Variants in PPAN observed in about 807,000 individuals in gnomAD.
The protein encoded by PPAN is peter pan homolog.
In PPAN, 39 loss-of-function variants were observed where a neutral mutation model predicts 48.5. The observed-to-expected ratio is 0.80, with a 90% CI of 0.62 to 1.05. PPAN has a LOEUF of 1.05. PPAN is among the 50% of genes least tolerant of loss of function. The probability of loss-of-function intolerance (pLI) is 0.00; values close to 1 mark genes in which losing one functional copy is unlikely to be tolerated. For missense variants in PPAN, 736 were observed against 661.7 expected (o/e 1.11, Z -1.23); for synonymous variants, 315 against 268.6 (o/e 1.17, Z -1.69).
Position 10,110,541 on chromosome 19 carries a change from C to A in PPAN, c.958C>A (p.Arg320=). The change falls in exon 10 of 12, where the codon CGG becomes AGG. Residue 320 remains arginine (R), a synonymous_variant. Coordinates refer to ENST00000253107, the MANE Select transcript of PPAN (RefSeq NM_020230.7). This position sits in a 1 kb window ranked among gnomAD's most constrained non-coding sequence, Gnocchi z 5.9. Reference sequence around the variant, plus strand: ...CCTGGAAGCCAAGGAGAAGAAGCTGCGGCTGAAGGCGCAGAGGCAGGCCCA... The same window carrying A: ...CCTGGAAGCCAAGGAGAAGAAGCTGAGGCTGAAGGCGCAGAGGCAGGCCCA... The part of the protein sequence containing the change: ...AILEAKEKKL[R]LKAQRQAQQA... The A allele has an allele frequency of 6.2e-7, 1 of 1,610,398 alleles. No individual in the cohort carries two copies. Among genetic ancestry groups the A allele is most frequent in the Non-Finnish European group, 8.5e-7 (1 of 1,179,078 alleles).
chr19:10,111,775 C>T lies in PPAN; in HGVS notation c.*610C>T, dbSNP rs2089087695. ...AGGCATGTTGGCTGTCTCTGGGGGTCTGCAGATTGTCAGGAGGTGGGGGTA... is the reference window on the plus strand; with the variant it reads ...AGGCATGTTGGCTGTCTCTGGGGGTTTGCAGATTGTCAGGAGGTGGGGGTA... On this transcript the variant is annotated 3_prime_UTR_variant, in exon 12 of 12. Coordinates refer to ENST00000253107, the MANE Select transcript of PPAN (RefSeq NM_020230.7). The T allele has an allele frequency of 6.2e-7, 1 of 1,612,640 alleles. No homozygotes were observed. Among genetic ancestry groups the T allele is most frequent in the East Asian group, 2.2e-5 (1 of 44,856 alleles).
rs1477243462 is a variant in PPAN at position 10,111,158 on chromosome 19, T to G, written c.1415T>G (p.Val472Gly). Residue 472 changes from valine (V) to glycine (G), a missense_variant, in exon 12 of 12, where the codon GTG becomes GGG. Coordinates refer to ENST00000253107, the MANE Select transcript of PPAN (RefSeq NM_020230.7). ...GRGRGRPGKRVA is the reference protein window; with the variant it reads ...GRGRGRPGKRGA ...GGCCGGGGCCGCCCAGGGAAGAGAG[T>G]GGCCTGAGCCCAAGCCGCACCGGAG... The G allele has an allele frequency of 6.3e-7, 1 of 1,585,514 alleles. No individual in the cohort carries two copies. The highest frequency in any genetic ancestry group is 8.6e-7 in the Non-Finnish European group (1 of 1,168,006).
intron 4 of PPAN, 32 bp from the exon 5 acceptor site, chr19:10,107,932 G>A (rs764716936): frequency 1.9e-6 from 3 of 1,599,012 alleles, no homozygotes; most frequent in African/African-American, 1.3e-5. Flanking sequence ...TGTGTGGTTG[G>A]TGGTCACCCC....
chr19:10,109,748 T>C, intron 6 of PPAN, 41 bp downstream of exon 6: 1 of 1,604,786 alleles, frequency 6.2e-7, no homozygotes, highest in Middle Eastern at 1.7e-4. Context: ...GGGTGCCGGG[T>C]GGGGGCCTCC....
At position 10,110,562 on chromosome 19, in the gene PPAN, G is replaced by T. The variant is rs767047967; in HGVS notation, c.979G>T (p.Ala327Ser). 6.2e-7 allele frequency: 1 copy of T among 1,604,906 alleles called. No individual in the cohort carries two copies. The highest frequency in any genetic ancestry group is 8.5e-7 in the Non-Finnish European group (1 of 1,176,708). Reference sequence around the variant, plus strand: ...GCTGCGGCTGAAGGCGCAGAGGCAGGCCCAGCAGGCCCAGAATGTGCAGCG... The same window carrying T: ...GCTGCGGCTGAAGGCGCAGAGGCAGTCCCAGCAGGCCCAGAATGTGCAGCG... ...KKLRLKAQRQ[A>S]QQAQNVQRKQ... is the part of the protein sequence containing the mutation. Residue 327 changes from alanine to serine, a missense_variant, in exon 10 of 12, where the codon GCC (alanine) becomes TCC (serine). By Grantham distance (99) the Ala-to-Ser change is moderately conservative. Coordinates refer to ENST00000253107, the MANE Select transcript of PPAN (RefSeq NM_020230.7). This position sits in a 1 kb window ranked among gnomAD's most constrained non-coding sequence, Gnocchi z 5.9.
In PPAN at chr19:10,111,556, G is replaced by A; in HGVS notation, c.*391G>A. ...TGAGCTTGAACCTCAGGAGGGTTGT[G>A]GCACAATGAGGAAGGAAACGTGGGT... On this transcript the variant is annotated 3_prime_UTR_variant, in exon 12 of 12. Coordinates refer to ENST00000253107, the MANE Select transcript of PPAN (RefSeq NM_020230.7). The A allele has an allele frequency of 1.3e-6, 1 of 778,924 alleles. No individual in the cohort carries two copies. The highest frequency in any genetic ancestry group is 2.7e-5 in the East Asian group (1 of 37,622). 48.3% of individuals were successfully genotyped at this position (778,924 alleles called of 1,614,324 possible).
Position 10,110,065 on chromosome 19 carries a change from C to T in PPAN, c.698+45C>T, listed in dbSNP as rs765203044. On this transcript the variant is annotated intron_variant, in intron 7 of 11. Transcript: ENST00000253107. The surrounding 1 kb of genome is among the most constrained non-coding windows in gnomAD (Gnocchi z 5.9). ...GGAGGCCACTGCGGCCCGGGGACCC[C>T]AGAACAGGACCGGGAGCCTGAGCTC... 6.2e-7 allele frequency: 1 copy of T among 1,610,898 alleles called. No homozygotes were observed.
intron 2 of PPAN, chr19:10,106,977 A>G (rs1237752505): frequency 1.6e-6 from 1 of 631,894 alleles, no homozygotes; most frequent in Non-Finnish European, 2.9e-6. Context: ...ACTTGAGCCC[A>G]GGAATTCGAG....
In PPAN at chr19:10,107,542, T is replaced by C; in HGVS notation, c.227T>C (p.Val76Ala). 1 of 1,614,166 alleles carries C rather than the reference T, an allele frequency of 6.2e-7. No homozygotes were observed. Among genetic ancestry groups the C allele is most frequent in the South Asian group, 1.1e-5 (1 of 91,076 alleles). ...KKNSLKDCVA[V>A]AGPLGVTHFL... ...AACTCGCTGAAGGACTGCGTGGCAG[T>C]GGCTGGGCCCCTCGGGGTCACACAC... The change falls in exon 3 of 12, where the codon GTG becomes GCG. Residue 76 changes from valine (V) to alanine (A), a missense_variant. Transcript: ENST00000253107.
In PPAN at chr19:10,111,631, G is replaced by T; in HGVS notation, c.*466G>T. On this transcript the variant is annotated 3_prime_UTR_variant, in exon 12 of 12. Coordinates refer to ENST00000253107, the MANE Select transcript of PPAN (RefSeq NM_020230.7). ...CTGGCTGGGCCAGTAACTGGGGATG[G>T]GGCTGGGGCAGGGCCCACTAAGCCA... 6.5e-7 allele frequency: 1 copy of T among 1,535,990 alleles called. No individual in the cohort carries two copies. The highest frequency in any genetic ancestry group is 9.0e-7 in the Non-Finnish European group (1 of 1,111,998).
chr19:10,110,924 T>TGACACTGTCTCTC lies in PPAN; in HGVS notation c.1202-20_1202-8dup, dbSNP rs1381021518. 1.2e-6 allele frequency: 2 copies of TGACACTGTCTCTC among 1,613,078 alleles called. No individual in the cohort carries two copies. Among genetic ancestry groups the TGACACTGTCTCTC allele is most frequent in the Non-Finnish European group, 1.7e-6 (2 of 1,179,830 alleles). ...AGCCTGTCCTTGTCTCTGGGGGCCC[T>TGACACTGTCTCTC]GACACTGTCTCTCCCCACAGACCTG... On this transcript the variant is annotated intron_variant, in intron 11 of 11. Transcript: ENST00000253107. This position sits in a 1 kb window ranked among gnomAD's most constrained non-coding sequence, Gnocchi z 5.9.
In PPAN at chr19:10,109,311, C is replaced by T. The variant is rs1231676888; in HGVS notation, c.514-320C>T. ...GTCTCCGTACGTTGGTCTTGAACTC[C>T]TGGGCACAAGCAATCCTGCAGCCTC... On this transcript the variant is annotated intron_variant, in intron 5 of 11. Transcript: ENST00000253107. Among the ~76,000 whole-genome samples, 3 of 151,796 alleles carry T rather than the reference C, an allele frequency of 2.0e-5. No homozygotes were observed. The East Asian group carries it at 5.8e-4, about 29-fold the overall frequency.
chr19:10,110,120 CAG>C lies in PPAN; in HGVS notation c.699-2_699-1del, dbSNP rs538206939. On this transcript the variant is annotated splice_acceptor_variant, in intron 7 of 11. Transcript: ENST00000253107. LOFTEE classifies it high-confidence loss of function. The surrounding 1 kb of genome is among the most constrained non-coding windows in gnomAD (Gnocchi z 5.9). ...ACTGAGCCCTGTTATGTCCTACACA[CAG>C]GGGCGCGGGGCTGTCGGAGAGCGAG... 1.2e-4 allele frequency: 189 copies of C among 1,611,206 alleles called. No individual in the cohort carries two copies. In the African/African-American group the frequency reaches 1.7e-3, roughly 15 times the overall value.
Position 10,109,687 on chromosome 19 carries a change from G to A in PPAN, c.570G>A (p.Gln190=). The change falls in exon 6 of 12, where the codon CAG becomes CAA. Residue 190 remains glutamine (Q), a synonymous_variant. Transcript: ENST00000253107. ...CLLIDYNPDS[Q]ELDFRHYSIK... is the part of the protein sequence containing the mutation. Reference sequence around the variant, plus strand: ...TCATCGACTACAACCCCGACTCCCAGGAGCTGGACTTCCGCCACTAGTGAG... The same window carrying A: ...TCATCGACTACAACCCCGACTCCCAAGAGCTGGACTTCCGCCACTAGTGAG... 2 of 1,613,984 alleles carry A rather than the reference G, an allele frequency of 1.2e-6. No individual in the cohort carries two copies. Among genetic ancestry groups the A allele is most frequent in the Non-Finnish European group, 1.7e-6 (2 of 1,179,944 alleles).
chr19:10,109,877 T>C, intron 6 of PPAN, 36 bp from the exon 7 acceptor site: 1 of 1,610,768 alleles, frequency 6.2e-7, no homozygotes, highest in Non-Finnish European at 8.5e-7. Context: ...ACGTGCCCCC[T>C]GACCACCCCC....
rs573733797 is a variant in PPAN, at chr19:10,106,556, A to G, written c.74A>G (p.Tyr25Cys). The G allele has an allele frequency of 1.6e-5, 25 of 1,553,788 alleles. No individual in the cohort carries two copies. The highest frequency in any genetic ancestry group is 3.6e-5 in the South Asian group (3 of 84,338). Residue 25 changes from tyrosine to cysteine, a missense_variant, in exon 2 of 12, where the codon TAT becomes TGT. By Grantham distance (194) the Tyr-to-Cys change is radical. Transcript: ENST00000253107. ...GCGCAGCTCCGCAACCTCGAGGCCT[A>G]TGCCGCGAACCCGCACTCGTTCGTG... ...AQAQLRNLEA[Y>C]AANPHSFVFT...
intron 5 of PPAN, among the ~76,000 whole-genome samples, chr19:10,108,935 G>A (rs1209807702): frequency 6.6e-6 from 1 of 151,708 alleles, no homozygotes; most frequent in African/African-American, 2.4e-5. Flanking sequence ...AGGCTAATAC[G>A]GCTCTGGGAC....
chr19:10,108,396 G>A (rs1190803238), intron 5 of PPAN, among the ~76,000 whole-genome samples: 1 of 152,120 alleles, frequency 6.6e-6, no homozygotes, highest in Non-Finnish European at 1.5e-5. Flanking sequence ...TTTCCCACGT[G>A]TGTTGAGTGC....
At chr19:10,106,907 C>T (rs1599303153) in intron 2 of PPAN, 3 of 709,996 alleles carry the variant, frequency 4.2e-6, no homozygotes, top group South Asian at 3.6e-5. Context: ...GAATCTGGAG[C>T]CGGGCGTGGT....
Sources: gnomAD v4.1 joint callset for allele counts (sites outside exome capture counted in the v4.1 genomes callset) on GRCh38, gnomAD v4.1.1 for gene constraint, Gnocchi (gnomAD v3.1) non-coding constraint, MANE v1.5 for transcripts, NCBI Gene and HGNC (gene_info 2026-07-23, HGNC 2026-07-21) for gene names.